Variants in SHANK2 observed in about 807,000 individuals in gnomAD.
SHANK2 encodes the protein SH3 and multiple ankyrin repeat domains 2.
In SHANK2, 43 loss-of-function variants were observed where a neutral mutation model predicts 133.7. That is an observed-to-expected ratio of 0.32 (90% CI 0.25 to 0.41). The LOEUF (loss-of-function observed/expected upper bound fraction) is 0.41, where lower values mean the gene tolerates loss of function less well. Ranked by LOEUF, SHANK2 falls within the 10% of genes least tolerant of loss-of-function variation. SHANK2 has a pLI of 1.00. For missense variants in SHANK2, 1,994 were observed against 2,235.8 expected, an observed-to-expected ratio of 0.89 and a Z score of 2.18; for synonymous variants, 1,017 against 952.8, an observed-to-expected ratio of 1.07 and a Z score of -1.24.
chr11:70,585,370 C>T (rs530009049), intron 17 of SHANK2, among the ~76,000 whole-genome samples: 185 of 152,286 alleles, frequency 1.2e-3, no homozygotes, highest in Non-Finnish European at 1.4e-3. Context: ...GGGGCAGGGA[C>T]AGCATGAGGG....
chr11:71,139,266 C>T (rs1391894386), intron 3 of SHANK2, among the ~76,000 whole-genome samples: 2 of 151,380 alleles, frequency 1.3e-5, no homozygotes, highest in African/African-American at 2.4e-5. Flanking sequence ...ACGTAGACAC[C>T]CCAGCAGAGC....
intron 10 of SHANK2, among the ~76,000 whole-genome samples, chr11:70,953,829 C>T (rs1950878840): frequency 6.6e-6 from 1 of 152,180 alleles, no homozygotes; most frequent in Non-Finnish European, 1.5e-5. Context: ...CATTAACCAT[C>T]ACAGTGAGTG....
rs1272463330 is a variant in SHANK2, at chr11:70,941,857, TATAATA to T, written c.1108-45296_1108-45291del. Among the ~76,000 whole-genome samples, 3 of 150,476 alleles carry T rather than the reference TATAATA, an allele frequency of 2.0e-5. No homozygotes were observed. In the South Asian group the frequency reaches 6.3e-4, roughly 31 times the overall value. On this transcript the variant is annotated intron_variant, in intron 10 of 25. Transcript: ENST00000601538. ...TTTGTGTTATAACAATAATATAATA[TATAATA>T]ATAATAATATAATAATACTGGAGAC...
At chr11:71,148,759 G>A (rs115197825) in intron 2 of SHANK2, among the ~76,000 whole-genome samples, 2,038 of 152,282 alleles carry the variant, frequency 0.013, 57 homozygotes, top group East Asian at 0.085. Flanking sequence ...GCTACATGTG[G>A]ATGATCCCTG....
At chr11:70,599,861 TAAAA>T (rs142339159) in intron 17 of SHANK2, among the ~76,000 whole-genome samples, 21,545 of 78,972 alleles carry the variant, frequency 0.27, 2,988 homozygotes, top group Middle Eastern at 0.38. Flanking sequence ...AAGAAAGAAA[TAAAA>T]AGAAAGAAAG....
chr11:70,791,509 A>G (rs1947785670), intron 14 of SHANK2, among the ~76,000 whole-genome samples: 1 of 152,224 alleles, frequency 6.6e-6, no homozygotes, highest in African/African-American at 2.4e-5. Flanking sequence ...TTACGCACAG[A>G]AACAAAAAAG....
chr11:71,084,969 A>G (rs2136016988), intron 8 of SHANK2, among the ~76,000 whole-genome samples: 1 of 152,276 alleles, frequency 6.6e-6, no homozygotes, highest in East Asian at 1.9e-4. Flanking sequence ...TACACATTTG[A>G]CCATTTTTAC....
intron 2 of SHANK2, among the ~76,000 whole-genome samples, chr11:71,172,646 G>A (rs375835766): frequency 1.6e-4 from 24 of 151,682 alleles, no homozygotes; most frequent in East Asian, 1.6e-3. Context: ...AAGAAACACC[G>A]TGAGCAGCAT....
intron 17 of SHANK2, among the ~76,000 whole-genome samples, chr11:70,607,669 G>A (rs563858211): frequency 6.6e-6 from 1 of 152,336 alleles, no homozygotes; most frequent in Non-Finnish European, 1.5e-5. Context: ...CTTGTCCAAG[G>A]AGAACAAGGG....
intron 10 of SHANK2, chr11:70,942,634 C>T (rs782438363): frequency 8.8e-6 from 4 of 456,832 alleles, no homozygotes; most frequent in Non-Finnish European, 1.3e-5. Context: ...GTCATTTCCA[C>T]TTCACTTCTA....
At chr11:70,600,129 T>C (rs1421964141) in intron 17 of SHANK2, among the ~76,000 whole-genome samples, 1 of 151,606 alleles carries the variant, frequency 6.6e-6, no homozygotes, top group Non-Finnish European at 1.5e-5. Context: ...GATTGGAAAA[T>C]ACATATGGAG....
At chr11:70,888,464 G>A (rs1949781344) in intron 11 of SHANK2, among the ~76,000 whole-genome samples, 1 of 66,684 alleles carries the variant, frequency 1.5e-5, no homozygotes, top group South Asian at 4.3e-4. Flanking sequence ...TTGCCAATAT[G>A]TGTCCCACCC....
chr11:70,909,892 G>A (rs2135718742), intron 10 of SHANK2, among the ~76,000 whole-genome samples: 1 of 152,350 alleles, frequency 6.6e-6, no homozygotes, highest in South Asian at 2.1e-4. Flanking sequence ...CCATCACTAA[G>A]CACCACAGAC....
chr11:71,245,576 C>T (rs1053661173), intron 1 of SHANK2, among the ~76,000 whole-genome samples: 1 of 152,170 alleles, frequency 6.6e-6, no homozygotes. Flanking sequence ...ACCCAGGAGG[C>T]AATCTGGAGG....
At chr11:71,222,213 G>C (rs1055663776) in intron 2 of SHANK2, among the ~76,000 whole-genome samples, 7 of 145,366 alleles carry the variant, frequency 4.8e-5, no homozygotes, top group Non-Finnish European at 7.4e-5. Flanking sequence ...CCTGTCCCAA[G>C]GTCACCAACT....
intron 9 of SHANK2, among the ~76,000 whole-genome samples, chr11:71,071,637 T>C (rs1185322504): frequency 7.2e-5 from 11 of 152,318 alleles, no homozygotes; most frequent in African/African-American, 2.2e-4. Context: ...GAAGTCTGAA[T>C]TGGATCTTGA....
intron 17 of SHANK2, among the ~76,000 whole-genome samples, chr11:70,507,219 T>A (rs2059147658): frequency 6.6e-6 from 1 of 152,168 alleles, no homozygotes; most frequent in Admixed American, 6.5e-5. Context: ...TGAGGGGGCA[T>A]TGGATTTGTG....
At chr11:70,942,975 C>T (rs781900100) in intron 10 of SHANK2, 90 of 448,202 alleles carry the variant, frequency 2.0e-4, no homozygotes, top group Non-Finnish European at 3.6e-4. Context: ...TAAAGTTTAG[C>T]TTGGGAGACT....
In SHANK2 at chr11:71,140,129, G is replaced by A. The variant is rs370633165; in HGVS notation, c.207+6991C>T. Among the ~76,000 whole-genome samples the A allele has an allele frequency of 2.6e-5, 4 of 152,230 alleles. No individual in the cohort carries two copies. In the East Asian group the frequency reaches 7.7e-4, roughly 29 times the overall value. On this transcript the variant is annotated intron_variant, in intron 3 of 25. Transcript: ENST00000601538. ...GCCCCACAAGGGATTTCTCACACGG[G>A]AACAATGTCTGCTTTGTTGCTGAGA...
Sources: gnomAD v4.1 joint callset for allele counts (sites outside exome capture counted in the v4.1 genomes callset) on GRCh38, gnomAD v4.1.1 for gene constraint, MANE v1.5 for transcripts, NCBI Gene and HGNC (gene_info 2026-07-23, HGNC 2026-07-21) for gene names.